Variants in DSCAM observed in about 807,000 individuals in gnomAD.
DSCAM encodes the protein cell adhesion molecule DSCAM.
A neutral mutation model predicts 217.7 loss-of-function variants in DSCAM; 47 were observed. That is an observed-to-expected ratio of 0.22 (90% CI 0.17 to 0.28). DSCAM has a LOEUF of 0.28. DSCAM is among the 10% of genes least tolerant of loss of function. The probability of loss-of-function intolerance (pLI) is 1.00; values close to 1 mark genes in which losing one functional copy is unlikely to be tolerated. For synonymous variants in DSCAM, 1,056 were observed against 1,015.3 expected (o/e 1.04, Z -0.76); for missense variants, 2,080 against 2,618.3 (o/e 0.79, Z 4.49).
chr21:40,462,774 C>T (rs1038997331), intron 3 of DSCAM, among the ~76,000 whole-genome samples: 3 of 152,118 alleles, frequency 2.0e-5, no homozygotes, highest in Admixed American at 1.3e-4. Context: ...CTAGATGATT[C>T]TAATGCAACC....
At chr21:40,629,416 C>T (rs2146315538) in intron 3 of DSCAM, 1 of 152,340 alleles carries the variant, frequency 6.6e-6, no homozygotes, top group Non-Finnish European at 1.5e-5. Flanking sequence ...GATACCCAAA[C>T]TCCTCAGGGG....
At position 40,330,478 on chromosome 21, in the gene DSCAM, G is replaced by A. The variant is rs180758375; in HGVS notation, c.1783+7623C>T. On this transcript the variant is annotated intron_variant, in intron 8 of 32. Coordinates refer to ENST00000400454, the MANE Select transcript of DSCAM (RefSeq NM_001389.5). Reference sequence around the variant, plus strand: ...TAGTCTTTTTTTCCCTCCAATTAGGGTAAAGTAATTTGAGATATCGCTTAT... The same window carrying A: ...TAGTCTTTTTTTCCCTCCAATTAGGATAAAGTAATTTGAGATATCGCTTAT... 2.7e-4 allele frequency among the ~76,000 whole-genome samples: 40 copies of A among 150,224 alleles called. 1 individual carries two copies. The South Asian group carries it at 8.0e-3, about 30-fold the overall frequency.
chr21:40,673,511 T>A (rs1451398632), intron 3 of DSCAM, among the ~76,000 whole-genome samples: 3 of 152,162 alleles, frequency 2.0e-5, no homozygotes, highest in African/African-American at 7.2e-5. Context: ...ACGTTGGAAG[T>A]AGTTTTTTCT....
intron 26 of DSCAM, among the ~76,000 whole-genome samples, chr21:40,076,850 G>A (rs1270397899): frequency 6.6e-6 from 1 of 152,216 alleles, no homozygotes; most frequent in African/African-American, 2.4e-5. Context: ...ATGATCTAAA[G>A]TAAAAAAGAT....
chr21:40,634,857 T>C (rs1274688983), intron 3 of DSCAM, among the ~76,000 whole-genome samples: 2 of 152,172 alleles, frequency 1.3e-5, no homozygotes, highest in Non-Finnish European at 1.5e-5. Flanking sequence ...TTTAAAGCAT[T>C]AAACAGCCTC....
intron 3 of DSCAM, among the ~76,000 whole-genome samples, chr21:40,578,237 C>T (rs2093096331): frequency 6.6e-6 from 1 of 152,078 alleles, no homozygotes; most frequent in African/African-American, 2.4e-5. Flanking sequence ...CTCTTACACA[C>T]CTTCAGAAAG....
chr21:40,376,683 CATATATATCAT>C (rs1201427380), intron 3 of DSCAM, among the ~76,000 whole-genome samples: 7 of 45,366 alleles, frequency 1.5e-4, no homozygotes, highest in African/African-American at 6.3e-4. Flanking sequence ...ATCTATATAT[CATATATATCAT>C]ATATATCTTA....
At chr21:40,768,001 GA>G (rs1045360365) in intron 1 of DSCAM, among the ~76,000 whole-genome samples, 17 of 151,202 alleles carry the variant, frequency 1.1e-4, no homozygotes, top group East Asian at 5.8e-4. Flanking sequence ...GGGACAAAAA[GA>G]AAAAAAATCA....
At chr21:40,219,044 G>A (rs1051164997) in intron 11 of DSCAM, among the ~76,000 whole-genome samples, 2 of 152,112 alleles carry the variant, frequency 1.3e-5, no homozygotes, top group East Asian at 1.9e-4. Context: ...GGGCATCCTC[G>A]TCTTGTGCCG....
chr21:40,054,060 T>A (rs1907902904), intron 29 of DSCAM, among the ~76,000 whole-genome samples: 1 of 152,224 alleles, frequency 6.6e-6, no homozygotes, highest in Non-Finnish European at 1.5e-5. Context: ...AATTATATGG[T>A]CAAAGGAATT....
At chr21:40,258,679 T>C (rs1027767980) in intron 11 of DSCAM, among the ~76,000 whole-genome samples, 1 of 152,270 alleles carries the variant, frequency 6.6e-6, no homozygotes, top group Non-Finnish European at 1.5e-5. Context: ...GGCATGCTTA[T>C]ACTGGTCCAA....
At chr21:40,218,244 T>C (rs889108725) in intron 11 of DSCAM, among the ~76,000 whole-genome samples, 1 of 152,166 alleles carries the variant, frequency 6.6e-6, no homozygotes, top group Non-Finnish European at 1.5e-5. Context: ...ATTTCTTGAA[T>C]AGGGAGTCTT....
intron 3 of DSCAM, among the ~76,000 whole-genome samples, chr21:40,426,449 T>C (rs1413942092): frequency 6.6e-6 from 1 of 152,244 alleles, no homozygotes; most frequent in Admixed American, 6.5e-5. Flanking sequence ...GGCATCTATG[T>C]GTCTATACTA....
chr21:40,759,970 T>C (rs1047469085), intron 1 of DSCAM, among the ~76,000 whole-genome samples: 6 of 88,224 alleles, frequency 6.8e-5, no homozygotes, highest in African/African-American at 4.0e-4. Flanking sequence ...TTTATTTATT[T>C]ATTTATTTAT....
intron 1 of DSCAM, among the ~76,000 whole-genome samples, chr21:40,792,137 C>CTTTTTTTTTTT (rs67838146): frequency 3.4e-5 from 4 of 118,604 alleles, no homozygotes; most frequent in African/African-American, 1.5e-4. Context: ...TCTTCTTCTT[C>CTTTTTTTTTTT]TTTTTTTTTT....
intron 3 of DSCAM, among the ~76,000 whole-genome samples, chr21:40,493,301 C>T (rs192160867): frequency 6.6e-6 from 1 of 152,174 alleles, no homozygotes; most frequent in East Asian, 1.9e-4. Context: ...TAGTTCATCA[C>T]CAGCAGACCC....
chr21:40,501,234 T>C (rs964086726), intron 3 of DSCAM, among the ~76,000 whole-genome samples: 2 of 152,200 alleles, frequency 1.3e-5, no homozygotes, highest in Non-Finnish European at 2.9e-5. Context: ...GGAATTCAAA[T>C]TGAACTGGGC....
rs115964574 is a variant in DSCAM at position 40,227,890 on chromosome 21, A to C, written c.2357-38652T>G. On this transcript the variant is annotated intron_variant, in intron 11 of 32. Coordinates refer to ENST00000400454, the MANE Select transcript of DSCAM (RefSeq NM_001389.5). ...GTTCAGATGACCCTACCTGCTACCT[A>C]ATGTCCCTGGTTTGTTTCAAGATCC... Among the ~76,000 whole-genome samples the C allele has an allele frequency of 6.0e-3, 914 of 152,210 alleles. 11 individuals carry two copies. Among genetic ancestry groups the C allele is most frequent in the African/African-American group, 0.021 (877 of 41,532 alleles).
chr21:40,189,770 C>T (rs1008168155), intron 11 of DSCAM, among the ~76,000 whole-genome samples: 1 of 152,182 alleles, frequency 6.6e-6, no homozygotes, highest in African/African-American at 2.4e-5. Flanking sequence ...GTGACTTGCT[C>T]CTCCTCGCCT....
Sources: allele counts gnomAD v4.1 joint callset (sites outside exome capture counted in the v4.1 genomes callset), GRCh38; gene constraint gnomAD v4.1.1; transcripts MANE v1.5; gene names NCBI Gene and HGNC (gene_info 2026-07-23, HGNC 2026-07-21).